MTMR8: variants seen among roughly 807,000 people sequenced by gnomAD.
MTMR8 encodes the protein phosphatidylinositol-3,5-bisphosphate 3-phosphatase MTMR8.
In MTMR8, 65 loss-of-function variants were observed where a neutral mutation model predicts 39.3. The observed-to-expected ratio is 1.65, with a 90% CI of 1.35 to 2.03. MTMR8 has a LOEUF of 2.03. Among genes scored for constraint, MTMR8 ranks in the 30% most tolerant of loss-of-function variants. The pLI, the probability that MTMR8 is intolerant of heterozygous loss-of-function variation, is 0.00. For synonymous variants in MTMR8, 245 were observed against 185.2 expected (o/e 1.32, Z -2.62); for missense variants, 777 against 538.9 (o/e 1.44, Z -4.37).
intron 8 of MTMR8, among the ~76,000 whole-genome samples, chrX:64,337,974 C>T (rs996725657): frequency 8.9e-6 from 1 of 111,762 alleles, no homozygotes; most frequent in Admixed American, 9.5e-5. Flanking sequence ...CAATTTTGTG[C>T]CTCTATGTGC....
chrX:64,356,788 A>G (rs1437547217), intron 2 of MTMR8, among the ~76,000 whole-genome samples: 2 of 111,152 alleles, frequency 1.8e-5, no homozygotes, highest in African/African-American at 6.5e-5. Context: ...TAGCTATTTA[A>G]GAAGAGCCAT....
At chrX:64,296,070 T>A (rs915024338) in intron 12 of MTMR8, among the ~76,000 whole-genome samples, 2 of 112,195 alleles carry the variant, frequency 1.8e-5, no homozygotes, top group Non-Finnish European at 3.8e-5. Context: ...TGTCCATCAA[T>A]GGATGACTAA....
intron 12 of MTMR8, among the ~76,000 whole-genome samples, chrX:64,303,913 T>C (rs1173233877): frequency 8.9e-6 from 1 of 112,529 alleles, no homozygotes; most frequent in African/African-American, 3.2e-5. Context: ...ATGTTCTCTC[T>C]GAAAGTGAAA....
chrX:64,384,922 ATTC>A (rs1164512599), intron 1 of MTMR8, among the ~76,000 whole-genome samples: 2 of 112,352 alleles, frequency 1.8e-5, no homozygotes, highest in Admixed American at 9.4e-5. Context: ...ACCCATTTGA[ATTC>A]TTCTTCTGAA....
chrX:64,359,044 C>G (rs373008557), intron 2 of MTMR8, among the ~76,000 whole-genome samples: 1 of 111,040 alleles, frequency 9.0e-6, no homozygotes, highest in East Asian at 2.9e-4. Context: ...AGTTCCCATA[C>G]GCTACAGATG....
intron 12 of MTMR8, among the ~76,000 whole-genome samples, chrX:64,288,416 G>T (rs1234570207): frequency 9.0e-6 from 1 of 111,593 alleles, no homozygotes; most frequent in Non-Finnish European, 1.9e-5. Context: ...TTACTCTGTT[G>T]GTGGGACTGT....
At position 64,331,782 on chromosome X, in the gene MTMR8, G is replaced by T; in HGVS notation, c.1152-25C>A. On this transcript the variant is annotated intron_variant, in intron 10 of 13. Coordinates refer to ENST00000374852, the MANE Select transcript of MTMR8 (RefSeq NM_017677.4). ...CCTGAGAGATGAAAATAAAGGTAAA[G>T]AAAGACACTAGTTAGCATTAAGGAT... The T allele has an allele frequency of 2.3e-5, 26 of 1,126,616 alleles. 1 individual carries two copies. Among genetic ancestry groups the T allele is most frequent in the Non-Finnish European group, 3.2e-5 (26 of 821,776 alleles). 92.8% of individuals were successfully genotyped at this position (1,126,616 alleles called of 1,213,427 possible). A position where few individuals can be genotyped will look rare whatever the true frequency, so the allele number is the denominator to read the frequency against.
intron 13 of MTMR8, 36 bp downstream of exon 13, chrX:64,270,911 G>A: frequency 8.3e-7 from 1 of 1,197,757 alleles, no homozygotes; most frequent in Non-Finnish European, 1.1e-6. Flanking sequence ...ACCCAGAAGG[G>A]GCAAGAAGAT....
At chrX:64,379,876 A>G (rs1284448303) in intron 1 of MTMR8, among the ~76,000 whole-genome samples, 1 of 111,668 alleles carries the variant, frequency 9.0e-6, no homozygotes, top group East Asian at 2.8e-4. Flanking sequence ...TTGGTTCATC[A>G]TTTAACAATC....
At chrX:64,380,885 G>C (rs931920335) in intron 1 of MTMR8, among the ~76,000 whole-genome samples, 1 of 111,452 alleles carries the variant, frequency 9.0e-6, no homozygotes. Context: ...GAGAATGATG[G>C]TTTCCAGCTT....
chrX:64,304,907 T>TAC lies in MTMR8; in HGVS notation c.1481+23863_1481+23864dup, dbSNP rs1555950536. 35 of 72,402 alleles carry TAC rather than the reference T, an allele frequency of 4.8e-4. No individual in the cohort carries two copies. The South Asian group carries it at 5.6e-3, about 12-fold the overall frequency. 6.0% of individuals were successfully genotyped at this position (72,402 alleles called of 1,213,427 possible). On this transcript the variant is annotated intron_variant, in intron 12 of 13. Transcript: ENST00000374852. The stretch of plus-strand genomic sequence containing the variant: ...ATATATATATATATATATATATATA[T>TAC]ACACATACATATATATATACACATA...
Position 64,268,878 on chromosome X carries a change from C to A in MTMR8, c.1774G>T (p.Gly592Ter). ...LMENGTLSRE[G>*]GLRAQMDQVK... ...TGATCCATCTGAGCTCGGAGGCCTC[C>A]TTCCCTGGATAGGGTGCCATTCTCC... The change falls in exon 14 of 14, where the codon GGA becomes TGA. Residue 592 changes from glycine (G) to a stop codon, truncating the protein, a stop_gained. Transcript: ENST00000374852. LOFTEE classifies it low-confidence loss of function (END_TRUNC). The A allele has an allele frequency of 8.3e-7, 1 of 1,211,840 alleles. No individual in the cohort carries two copies. The highest frequency in any genetic ancestry group is 1.1e-6 in the Non-Finnish European group (1 of 895,519).
chrX:64,390,900 C>T (rs1017821965), intron 1 of MTMR8, among the ~76,000 whole-genome samples: 2 of 111,917 alleles, frequency 1.8e-5, no homozygotes, highest in Non-Finnish European at 3.8e-5. Flanking sequence ...TCAAGTGATC[C>T]TCCCATCTGG....
rs1213285339 is a variant in MTMR8 at position 64,301,125 on chromosome X, C to T, written c.1481+27647G>A. 6.5e-5 allele frequency among the ~76,000 whole-genome samples: 7 copies of T among 108,156 alleles called. No individual in the cohort carries two copies. The East Asian group carries it at 2.0e-3, about 32-fold the overall frequency. 93.9% of individuals were successfully genotyped at this position (108,156 alleles called of 115,157 possible). ...TTTCCTGAATCTGAACGTTGGCCTG[C>T]CTTGCTAGATTGGGGAAGTTCTCCT... On this transcript the variant is annotated intron_variant, in intron 12 of 13. Transcript: ENST00000374852.
At chrX:64,369,441 C>T (rs1019537385) in intron 1 of MTMR8, among the ~76,000 whole-genome samples, 3 of 111,283 alleles carry the variant, frequency 2.7e-5, no homozygotes, top group Non-Finnish European at 3.8e-5. Flanking sequence ...GCCATAAAAA[C>T]GGCTGAGTTC....
intron 12 of MTMR8, among the ~76,000 whole-genome samples, chrX:64,278,559 C>T (rs751830972): frequency 6.9e-5 from 7 of 101,195 alleles, no homozygotes; most frequent in East Asian, 3.1e-4. Flanking sequence ...CTGCAACCTC[C>T]GCCTCCCAGG....
chrX:64,363,321 T>C (rs767387375), intron 1 of MTMR8, among the ~76,000 whole-genome samples: 1 of 112,050 alleles, frequency 8.9e-6, no homozygotes, highest in East Asian at 2.8e-4. Flanking sequence ...TGGTGGGAAG[T>C]GACTGGATCA....
intron 1 of MTMR8, among the ~76,000 whole-genome samples, chrX:64,360,793 C>G (rs1022142482): frequency 7.2e-5 from 8 of 111,359 alleles, no homozygotes; most frequent in Non-Finnish European, 1.5e-4. Context: ...CAGAGTTAAA[C>G]AAGAACTAAG....
chrX:64,304,860 T>TCA (rs1213473988), intron 12 of MTMR8, among the ~76,000 whole-genome samples: 12 of 28,582 alleles, frequency 4.2e-4, no homozygotes, highest in Admixed American at 7.9e-4. Context: ...GATCAAACAT[T>TCA]TATATATATA....
Sources: gnomAD v4.1 joint callset for allele counts (sites outside exome capture counted in the v4.1 genomes callset) on GRCh38, gnomAD v4.1.1 for gene constraint, MANE v1.5 for transcripts, NCBI Gene and HGNC (gene_info 2026-07-23, HGNC 2026-07-21) for gene names.